Variants in NOL4 observed in about 807,000 individuals in gnomAD.
The protein encoded by NOL4 is cancer/testis antigen 125.
In NOL4, 17 loss-of-function variants were observed where a neutral mutation model predicts 75.9. The ratio of observed to expected loss-of-function variants is 0.22; its 90% CI spans 0.15 to 0.34. The LOEUF (loss-of-function observed/expected upper bound fraction) is 0.34. NOL4 is among the 10% of genes least tolerant of loss of function. NOL4 has a pLI of 1.00. For missense variants in NOL4, 614 were observed against 793.5 expected (o/e 0.77, Z 2.72); for synonymous variants, 292 against 289.9 (o/e 1.01, Z -0.07).
At chr18:33,946,930 A>C (rs1048859144) in intron 8 of NOL4, among the ~76,000 whole-genome samples, 4 of 151,684 alleles carry the variant, frequency 2.6e-5, no homozygotes, top group African/African-American at 9.7e-5. Context: ...ATGAGAATAC[A>C]GGAGCCAGGC....
chr18:33,907,891 AT>A (rs1345476052), intron 9 of NOL4, among the ~76,000 whole-genome samples: 1 of 152,218 alleles, frequency 6.6e-6, no homozygotes, highest in African/African-American at 2.4e-5. Flanking sequence ...AAATAAACTC[AT>A]AGGTGTTAAT....
At chr18:33,881,862 G>A (rs1041640524) in intron 10 of NOL4, among the ~76,000 whole-genome samples, 1 of 151,964 alleles carries the variant, frequency 6.6e-6, no homozygotes, top group Non-Finnish European at 1.5e-5. Context: ...CAGAGATATA[G>A]ATCAATGGAA....
chr18:34,068,766 A>C (rs994556660), intron 5 of NOL4, among the ~76,000 whole-genome samples: 6 of 152,214 alleles, frequency 3.9e-5, no homozygotes, highest in Non-Finnish European at 5.9e-5. Context: ...TAAACTAAAT[A>C]GTGAATAACC....
In NOL4 at chr18:33,851,707, G is replaced by A. The variant is rs1397265939; in HGVS notation, c.*1135C>T. The A allele has an allele frequency of 6.6e-6, 1 of 152,428 alleles. No individual in the cohort carries two copies. Among genetic ancestry groups the A allele is most frequent in the Non-Finnish European group, 1.5e-5 (1 of 68,006 alleles). The allele number at this position is 152,428 out of a possible 1,614,324, so 9.4% of individuals were successfully genotyped here. On this transcript the variant is annotated 3_prime_UTR_variant, in exon 11 of 11. Coordinates refer to ENST00000261592, the MANE Select transcript of NOL4 (RefSeq NM_003787.5). ...CTATAAAATAAGAAAGAAGGGTAAA[G>A]TATGGGGGATAGGAGGGCACAGTTC...
chr18:34,089,676 C>A (rs1288335838), intron 5 of NOL4, among the ~76,000 whole-genome samples: 1 of 152,146 alleles, frequency 6.6e-6, no homozygotes, highest in Non-Finnish European at 1.5e-5. Flanking sequence ...CTTTTGTTTT[C>A]AACTTAGGGT....
intron 10 of NOL4, among the ~76,000 whole-genome samples, chr18:33,862,989 C>G (rs1448459354): frequency 6.6e-6 from 1 of 152,178 alleles, no homozygotes; most frequent in East Asian, 1.9e-4. Context: ...TATTGCGGCA[C>G]TGTTCACAAT....
At chr18:33,909,722 C>T (rs995154459) in intron 9 of NOL4, among the ~76,000 whole-genome samples, 21 of 151,938 alleles carry the variant, frequency 1.4e-4, no homozygotes, top group Non-Finnish European at 2.2e-4. Context: ...CTAGGCTAGA[C>T]GGTCATCTGG....
intron 9 of NOL4, among the ~76,000 whole-genome samples, chr18:33,934,999 C>T (rs1482900652): frequency 1.3e-5 from 2 of 151,712 alleles, no homozygotes; most frequent in Non-Finnish European, 2.9e-5. Context: ...GCTAGAACTA[C>T]AGATGCACTG....
intron 6 of NOL4, among the ~76,000 whole-genome samples, chr18:33,970,310 G>A (rs2070950395): frequency 6.6e-6 from 1 of 152,022 alleles, no homozygotes; most frequent in Non-Finnish European, 1.5e-5. Context: ...ATGACCTTTG[G>A]TTTTTAAATA....
chr18:34,078,668 TA>T (rs2077856384), intron 5 of NOL4, among the ~76,000 whole-genome samples: 1 of 152,208 alleles, frequency 6.6e-6, no homozygotes, highest in Non-Finnish European at 1.5e-5. Context: ...ATTCAATAAT[TA>T]CTTACATGGG....
intron 9 of NOL4, among the ~76,000 whole-genome samples, chr18:33,887,364 ATATTTTAATTCTGAAAGTTATTC>A (rs1271119979): frequency 6.6e-6 from 1 of 151,084 alleles, no homozygotes; most frequent in African/African-American, 2.4e-5. Context: ...GATTATTATT[ATATTTTAATTCTGAAAGTTATTC>A]TTTGCTGTTA....
chr18:34,128,098 T>C (rs1031594515), intron 2 of NOL4, among the ~76,000 whole-genome samples: 1 of 151,894 alleles, frequency 6.6e-6, no homozygotes, highest in Non-Finnish European at 1.5e-5. Flanking sequence ...ATAATGGCAA[T>C]GGATCAGATT....
At chr18:34,139,365 G>T (rs1202054612) in intron 1 of NOL4, among the ~76,000 whole-genome samples, 8 of 152,104 alleles carry the variant, frequency 5.3e-5, no homozygotes, top group African/African-American at 1.4e-4. Context: ...GCCTGTTCTT[G>T]GTCTATTCAG....
intron 1 of NOL4, among the ~76,000 whole-genome samples, chr18:34,135,354 CA>C (rs1192015804): frequency 7.2e-5 from 11 of 151,848 alleles, no homozygotes; most frequent in Admixed American, 4.6e-4. Context: ...TAATGGCTGA[CA>C]AAAAATTTAT....
intron 1 of NOL4, among the ~76,000 whole-genome samples, chr18:34,177,734 T>A (rs752465988): frequency 2.0e-5 from 3 of 151,770 alleles, no homozygotes; most frequent in Non-Finnish European, 2.9e-5. Context: ...AAGAAAATAA[T>A]CCTGTCAACT....
At chr18:34,156,918 T>G (rs1159088958) in intron 1 of NOL4, 1 of 152,188 alleles carries the variant, frequency 6.6e-6, no homozygotes, top group Non-Finnish European at 1.5e-5. Flanking sequence ...CTTCCCACAC[T>G]CACTACACCC....
In NOL4 at chr18:33,852,910, G is replaced by A. The variant is rs1252218841; in HGVS notation, c.1849C>T (p.Arg617Ter). The change falls in exon 11 of 11, where the codon CGA becomes TGA. Residue 617 changes from arginine to a stop codon, truncating the protein, a stop_gained. Coordinates refer to ENST00000261592, the MANE Select transcript of NOL4 (RefSeq NM_003787.5). LOFTEE classifies it high-confidence loss of function. ...CGCAATAAAAATGCAGCTGATTCTCGATATCCTGCAACAAGCTGTCTCACG... is the reference window on the plus strand; with the variant it reads ...CGCAATAAAAATGCAGCTGATTCTCAATATCCTGCAACAAGCTGTCTCACG... ...NAVRQLVAGY[R>*]ESAAFLLRSA... is the part of the protein sequence containing the mutation. 6.2e-7 allele frequency: 1 copy of A among 1,613,072 alleles called. No homozygotes were observed.
chr18:34,077,771 T>C (rs1364102308), intron 5 of NOL4, among the ~76,000 whole-genome samples: 2 of 152,286 alleles, frequency 1.3e-5, no homozygotes, highest in South Asian at 2.1e-4. Flanking sequence ...TTGATATCAG[T>C]AGACCTCTAG....
chr18:34,103,743 C>A (rs992362746), intron 4 of NOL4, among the ~76,000 whole-genome samples: 3 of 151,942 alleles, frequency 2.0e-5, no homozygotes, highest in African/African-American at 4.8e-5. Context: ...TGTGAACTTA[C>A]CCCCTCTGAA....
Sources: allele counts gnomAD v4.1 joint callset (sites outside exome capture counted in the v4.1 genomes callset), GRCh38; gene constraint gnomAD v4.1.1; transcripts MANE v1.5; gene names NCBI Gene and HGNC (gene_info 2026-07-23, HGNC 2026-07-21).